The following ZFHX2 variants were observed in gnomAD, a reference collection of about 807,000 sequenced individuals.
ZFHX2 encodes the protein zinc finger homeobox 2.
In ZFHX2, 75 loss-of-function variants were observed where a neutral mutation model predicts 164.8. The observed-to-expected ratio is 0.46, with a 90% CI of 0.38 to 0.55. The LOEUF is 0.55. ZFHX2 is among the 20% of genes least tolerant of loss of function. ZFHX2 has a pLI of 0.00. For synonymous variants in ZFHX2, 1,217 were observed against 1,351.4 expected (o/e 0.90, Z 2.18); for missense variants, 2,933 against 3,308.0 (o/e 0.89, Z 2.78).
At chr14:23,541,359 G>A (rs1226976357) in intron 1 of ZFHX2, among the ~76,000 whole-genome samples, 1 of 150,806 alleles carries the variant, frequency 6.6e-6, no homozygotes, top group East Asian at 1.9e-4. Flanking sequence ...TGCGATCTTG[G>A]CTCACTGCAA....
At chr14:23,552,272 T>A (rs567026894), upstream of ZFHX2, among the ~76,000 whole-genome samples, 11 of 151,856 alleles carry the variant, frequency 7.2e-5, no homozygotes, top group Admixed American at 7.2e-4. Context: ...GTTTATCGCT[T>A]ATTAAGTGCT....
chr14:23,527,906 T>C (rs1474755192), intron 6 of ZFHX2, 102 bp from the exon 7 acceptor site: 8 of 901,146 alleles, frequency 8.9e-6, no homozygotes, highest in Non-Finnish European at 1.3e-5. Flanking sequence ...CACTCCTTTT[T>C]TTTTTTTTTT....
In ZFHX2 at chr14:23,533,460, C is replaced by A; in HGVS notation, c.1866G>T (p.Gly622=). 1 of 1,534,886 alleles carries A rather than the reference C, an allele frequency of 6.5e-7. No individual in the cohort carries two copies. Among genetic ancestry groups the A allele is most frequent in the East Asian group, 2.4e-5 (1 of 40,870 alleles). Residue 622 remains glycine (G), a synonymous_variant, in exon 2 of 10, where the codon GGG becomes GGT. Coordinates refer to ENST00000419474, the MANE Select transcript of ZFHX2 (RefSeq NM_033400.3). The surrounding 1 kb of genome is among the most constrained non-coding windows in gnomAD (Gnocchi z 4.8). ...LMGPGPPPPP[G]ATPTSPPELF... The stretch of plus-strand genomic sequence containing the variant: ...GTTCAGGGGGGCTAGTGGGGGTAGC[C>A]CCTGGTGGGGGAGGAGGGCCTGGCC...
In ZFHX2 at chr14:23,533,593, G is replaced by T. The variant is rs1274160461; in HGVS notation, c.1733C>A (p.Thr578Lys). 1 of 1,536,592 alleles carries T rather than the reference G, an allele frequency of 6.5e-7. No individual in the cohort carries two copies. The highest frequency in any genetic ancestry group is 8.7e-7 in the Non-Finnish European group (1 of 1,147,040). ...GATGCGCAGGTTACGGGAGATGTTT[G>T]TCTCGTAGCTGCACACCTTGCACTG... ...SWQCKVCSYE[T>K]NISRNLRIHM... The change falls in exon 2 of 10, where the codon ACA (threonine) becomes AAA (lysine). Residue 578 changes from threonine to lysine, a missense_variant. Thr to Lys is a moderately conservative substitution (Grantham distance 78). Coordinates refer to ENST00000419474, the MANE Select transcript of ZFHX2 (RefSeq NM_033400.3). The surrounding 1 kb of genome is among the most constrained non-coding windows in gnomAD (Gnocchi z 4.8).
chr14:23,533,653 G>A lies in ZFHX2; in HGVS notation c.1673C>T (p.Ala558Val), dbSNP rs1001484865. ...SPPEASLPPSAGDKEPKTKSS... is the reference protein window; with the variant it reads ...SPPEASLPPSVGDKEPKTKSS... ...TTTGGTCTTAGGCTCTTTGTCTCCC[G>A]CGGAGGGTGGGAGTGATGCCTCTGG... Residue 558 changes from alanine to valine, a missense_variant, in exon 2 of 10, where the codon GCG becomes GTG. By Grantham distance (64) the Ala-to-Val change is moderately conservative. Coordinates refer to ENST00000419474, the MANE Select transcript of ZFHX2 (RefSeq NM_033400.3). This position sits in a 1 kb window ranked among gnomAD's most constrained non-coding sequence, Gnocchi z 4.8. 86 of 1,537,008 alleles carry A rather than the reference G, an allele frequency of 5.6e-5. No individual in the cohort carries two copies. The highest frequency in any genetic ancestry group is 2.9e-4 in the East Asian group (12 of 40,934).
chr14:23,525,148 G>T lies in ZFHX2; in HGVS notation c.4794C>A (p.Ser1598=). The T allele has an allele frequency of 3.9e-6, 6 of 1,536,168 alleles. No individual in the cohort carries two copies. The highest frequency in any genetic ancestry group is 5.2e-6 in the Non-Finnish European group (6 of 1,146,920). ...TCTGGAACTCTGTGAACTTGGTTCTGGAGAACCGGCGGCCGGCAGGCACCA... is the reference window on the plus strand; with the variant it reads ...TCTGGAACTCTGTGAACTTGGTTCTTGAGAACCGGCGGCCGGCAGGCACCA... ...PPLVPAGRRF[S]RTKFTEFQTQ... The change falls in exon 9 of 10, where the codon TCC becomes TCA. Residue 1598 remains serine, a synonymous_variant. Transcript: ENST00000419474. The surrounding 1 kb of genome is among the most constrained non-coding windows in gnomAD (Gnocchi z 5.9).
chr14:23,554,714 C>G (rs1297211357), upstream of ZFHX2, among the ~76,000 whole-genome samples: 2 of 152,052 alleles, frequency 1.3e-5, no homozygotes, highest in African/African-American at 4.8e-5. Flanking sequence ...AAACCAGTGT[C>G]CTTCTCCCTA....
chr14:23,553,089 A>T (rs1197945483), upstream of ZFHX2, among the ~76,000 whole-genome samples: 1 of 152,230 alleles, frequency 6.6e-6, no homozygotes, highest in African/African-American at 2.4e-5. Flanking sequence ...AATGGCCAAT[A>T]AGTAAGTGAC....
rs1478040784 is a variant in ZFHX2, at chr14:23,534,642, G to A, written c.684C>T (p.Ser228=). The change falls in exon 2 of 10, where the codon AGC becomes AGT. Residue 228 remains serine (S), a synonymous_variant. Coordinates refer to ENST00000419474, the MANE Select transcript of ZFHX2 (RefSeq NM_033400.3). This position sits in a 1 kb window ranked among gnomAD's most constrained non-coding sequence, Gnocchi z 4.5. ...AGAAGACCGCCACGTGGTTGCCCCC[G>A]CTGTTCCCCATGGGGCCATCTTTGG... ...GDPKDGPMGN[S]GGNHVAVFWL... The A allele has an allele frequency of 1.5e-5, 23 of 1,536,186 alleles. No individual in the cohort carries two copies. The highest frequency in any genetic ancestry group is 2.4e-5 in the East Asian group (1 of 40,914).
At chr14:23,550,644 T>C (rs997926388) in intron 1 of ZFHX2, among the ~76,000 whole-genome samples, 1 of 152,128 alleles carries the variant, frequency 6.6e-6, no homozygotes, top group Admixed American at 6.5e-5. Flanking sequence ...TTGAAAATGA[T>C]AGGGCTGCTC....
In ZFHX2 at chr14:23,530,220, C is replaced by T. The variant is rs775223520; in HGVS notation, c.2801-26G>A. On this transcript the variant is annotated intron_variant, in intron 4 of 9. Coordinates refer to ENST00000419474, the MANE Select transcript of ZFHX2 (RefSeq NM_033400.3). The stretch of plus-strand genomic sequence containing the variant: ...CTGTGTAGGATGGGGGGAGAGTCAG[C>T]TTAAAGAGGTGTGGCATCAGGGAAG... 86 of 1,494,164 alleles carry T rather than the reference C, an allele frequency of 5.8e-5. No homozygotes were observed. In the South Asian group the frequency reaches 9.0e-4, roughly 16 times the overall value. The allele number at this position is 1,494,164 out of a possible 1,614,324, so 92.6% of individuals were successfully genotyped here. A position where few individuals can be genotyped will look rare whatever the true frequency, so the allele number is the denominator to read the frequency against.
Position 23,524,727 on chromosome 14 carries a change from G to C in ZFHX2, c.5215C>G (p.Pro1739Ala). The part of the protein sequence containing the change: ...AGPEGPLPEP[P>A]DGEELSQAEA... ...GCTTGGCTCAGCTCCTCCCCATCTG[G>C]AGGCTCTGGTAATGGGCCCTCAGGC... The change falls in exon 9 of 10, where the codon CCA becomes GCA. Residue 1739 changes from proline (P) to alanine (A), a missense_variant. Pro to Ala is a conservative substitution (Grantham distance 27). Transcript: ENST00000419474. The surrounding 1 kb of genome is among the most constrained non-coding windows in gnomAD (Gnocchi z 5.6). 6.5e-7 allele frequency: 1 copy of C among 1,536,346 alleles called. No homozygotes were observed. Among genetic ancestry groups the C allele is most frequent in the South Asian group, 1.2e-5 (1 of 84,058 alleles).
intron 4 of ZFHX2, chr14:23,530,579 T>C: frequency 2.4e-6 from 1 of 416,278 alleles, no homozygotes; most frequent in Non-Finnish European, 4.6e-6. Context: ...TGGAAGCAGC[T>C]GCTGCAGTGA....
Position 23,523,286 on chromosome 14 carries a change from G to T in ZFHX2, c.6656C>A (p.Thr2219Asn), listed in dbSNP as rs902607613. 2.8e-6 allele frequency: 4 copies of T among 1,440,344 alleles called. No individual in the cohort carries two copies. The highest frequency in any genetic ancestry group is 3.6e-6 in the Non-Finnish European group (4 of 1,101,658). 89.2% of individuals were successfully genotyped at this position (1,440,344 alleles called of 1,614,324 possible). The change falls in exon 9 of 10, where the codon ACC becomes AAC. Residue 2219 changes from threonine to asparagine, a missense_variant. Thr to Asn is a moderately conservative substitution (Grantham distance 65). Transcript: ENST00000419474. The surrounding 1 kb of genome is among the most constrained non-coding windows in gnomAD (Gnocchi z 4.1). ...GAGGACCGGCGCCAGGCGAGGCAAG[G>T]TTGGGGCAGCCCCGAGGGGCATGGA... ...PASMPLGAAP[T>N]LPRLAPVLLS...
At chr14:23,522,981 C>T (rs1878221515) in intron 9 of ZFHX2, 40 bp from the exon 10 acceptor site, 1 of 1,428,134 alleles carries the variant, frequency 7.0e-7, no homozygotes. Flanking sequence ...TAGCCATCTC[C>T]TGTCCCATCA....
Position 23,523,440 on chromosome 14 carries a change from G to T in ZFHX2, c.6502C>A (p.Arg2168Ser). 6.5e-7 allele frequency: 1 copy of T among 1,535,308 alleles called. No individual in the cohort carries two copies. The highest frequency in any genetic ancestry group is 8.7e-7 in the Non-Finnish European group (1 of 1,146,418). The change falls in exon 9 of 10, where the codon CGT becomes AGT. Residue 2168 changes from arginine (R) to serine (S), a missense_variant. Arg to Ser is a moderately radical substitution (Grantham distance 110). Coordinates refer to ENST00000419474, the MANE Select transcript of ZFHX2 (RefSeq NM_033400.3). The surrounding 1 kb of genome is among the most constrained non-coding windows in gnomAD (Gnocchi z 4.1). ...TCCTTGAGCTTGGCCAGGTGCTGAC[G>T]GGAAAAGAGATGGCCTCGGCAGGAG... ...YVSCRGHLFS[R>S]QHLAKLKEAV... is the part of the protein sequence containing the mutation.
chr14:23,553,141 C>G (rs1882098615), upstream of ZFHX2, among the ~76,000 whole-genome samples: 1 of 152,118 alleles, frequency 6.6e-6, no homozygotes, highest in African/African-American at 2.4e-5. Context: ...GCTCCAGGGC[C>G]CATACTAACT....
At chr14:23,536,213 C>T (rs1940710163) in intron 1 of ZFHX2, among the ~76,000 whole-genome samples, 1 of 152,206 alleles carries the variant, frequency 6.6e-6, no homozygotes, top group Non-Finnish European at 1.5e-5. Flanking sequence ...ATTTTCTCTC[C>T]ATCCAGCAGC....
chr14:23,531,782 T>G, intron 3 of ZFHX2, 61 bp from the exon 4 acceptor site: 1 of 400,106 alleles, frequency 2.5e-6, no homozygotes, highest in East Asian at 7.7e-5. Context: ...CTCAGGGGAC[T>G]TTTTTTTTTT....
Sources: allele counts gnomAD v4.1 joint callset (sites outside exome capture counted in the v4.1 genomes callset), GRCh38; gene constraint gnomAD v4.1.1; non-coding constraint Gnocchi (gnomAD v3.1); transcripts MANE v1.5; gene names NCBI Gene and HGNC (gene_info 2026-07-23, HGNC 2026-07-21).